Variants in POM121 observed in about 807,000 individuals in gnomAD.
POM121 encodes POM121 transmembrane nucleoporin, also known as nuclear envelope pore membrane protein POM 121.
In POM121, 32 loss-of-function variants were observed where a neutral mutation model predicts 81.3. That is an observed-to-expected ratio of 0.39 (90% CI 0.30 to 0.53). The LOEUF is 0.53. Among genes scored for constraint, POM121 ranks in the 20% least tolerant of loss-of-function variants. The pLI is 0.66. For synonymous variants in POM121, 514 were observed against 694.2 expected (o/e 0.74, Z 4.08); for missense variants, 1,138 against 1,614.6 (o/e 0.70, Z 5.06).
In POM121 at chr7:72,928,453, C is replaced by T; in HGVS notation, c.1091C>T (p.Ser364Phe). Reference sequence around the variant, plus strand: ...CTGGTGGCCAATGGAGTCCCCGCTTCTTTTGTGCCTAAGTAAGTGGGAGTC... The same window carrying T: ...CTGGTGGCCAATGGAGTCCCCGCTTTTTTTGTGCCTAAGTAAGTGGGAGTC... ...EPLVANGVPA[S>F]FVPKPGSLKR... Residue 364 changes from serine (S) to phenylalanine (F), a missense_variant, in exon 4 of 13, where the codon TCT (serine) becomes TTT (phenylalanine). Ser to Phe is a radical substitution (Grantham distance 155). This residue lies in a region of POM121 where 646 missense variants were observed against 633.5 expected (regional missense o/e 1.02). Transcript: ENST00000434423. 6.2e-7 allele frequency: 1 copy of T among 1,614,196 alleles called. No individual in the cohort carries two copies. The highest frequency in any genetic ancestry group is 1.1e-5 in the South Asian group (1 of 91,090).
chr7:72,943,663 A>G lies in POM121; in HGVS notation c.3529+141A>G, dbSNP rs1797369105. ...GAACTCAGTGAGATGCCAGGGAACG[A>G]TACATGTTTTGCTAACGTAGTAATG... On this transcript the variant is annotated intron_variant, in intron 11 of 12. Transcript: ENST00000434423. 2.1e-6 allele frequency: 3 copies of G among 1,427,614 alleles called. No homozygotes were observed. The South Asian group carries it at 4.5e-5, about 21-fold the overall frequency. The allele number at this position is 1,427,614 out of a possible 1,614,324, so 88.4% of individuals were successfully genotyped here. A position where few individuals can be genotyped will look rare whatever the true frequency, so the allele number is the denominator to read the frequency against.
At chr7:72,908,582 C>T (rs1554493799) in intron 3 of POM121, among the ~76,000 whole-genome samples, 1 of 152,124 alleles carries the variant, frequency 6.6e-6, no homozygotes, top group Non-Finnish European at 1.5e-5. Flanking sequence ...ATTTCCTCGT[C>T]CTAATATGCC....
At chr7:72,938,530 G>C (rs559449358) in intron 5 of POM121, 60 bp from the exon 6 acceptor site, 9 of 1,498,762 alleles carry the variant, frequency 6.0e-6, no homozygotes, top group Non-Finnish European at 7.4e-6. Flanking sequence ...AGACTTTGTC[G>C]TGTTGAGGGT....
chr7:72,894,188 G>A (rs868975431), intron 3 of POM121, among the ~76,000 whole-genome samples: 1 of 152,144 alleles, frequency 6.6e-6, no homozygotes, highest in Non-Finnish European at 1.5e-5. Context: ...GCTTGAACCC[G>A]GGAGGCAGCA....
intron 3 of POM121, among the ~76,000 whole-genome samples, chr7:72,904,994 T>A (rs551662487): frequency 7.2e-5 from 11 of 152,262 alleles, no homozygotes; most frequent in African/African-American, 2.6e-4. Context: ...TTCCACCAGG[T>A]CCCTCCTTGA....
chr7:72,894,895 A>T (rs1563135818), intron 3 of POM121, among the ~76,000 whole-genome samples: 1 of 152,196 alleles, frequency 6.6e-6, no homozygotes, highest in Non-Finnish European at 1.5e-5. Flanking sequence ...TGGTGTGATC[A>T]TAGCTCATGG....
chr7:72,923,693 G>T (rs1462593779), upstream of POM121, among the ~76,000 whole-genome samples: 1 of 131,904 alleles, frequency 7.6e-6, no homozygotes, highest in African/African-American at 2.8e-5. Context: ...TCCGCCTCCC[G>T]GGTTCACGCC....
rs199967588 is a variant in POM121, at chr7:72,942,228, G to T, written c.2235G>T (p.Pro745=). 4.1e-4 allele frequency: 655 copies of T among 1,609,114 alleles called. No individual in the cohort carries two copies. Among genetic ancestry groups the T allele is most frequent in the Non-Finnish European group, 5.3e-4 (625 of 1,179,778 alleles). ...AGAGTGAGAAGGAAGGCCCCACACC[G>T]CCTGGCCCTTCAGTCACAGCCACAG... ...PPKSEKEGPT[P]PGPSVTATAP... is the part of the protein sequence containing the mutation. The change falls in exon 11 of 13, where the codon CCG becomes CCT. Residue 745 remains proline, a synonymous_variant. Coordinates refer to ENST00000434423, the MANE Select transcript of POM121 (RefSeq NM_001387691.1).
At chr7:72,886,460 C>G (rs1397296017) in intron 1 of POM121, among the ~76,000 whole-genome samples, 1 of 152,156 alleles carries the variant, frequency 6.6e-6, no homozygotes, top group African/African-American at 2.4e-5. Flanking sequence ...AAGTGTGAGC[C>G]AACACACTTG....
chr7:72,880,586 A>T (rs56400922), intron 1 of POM121, among the ~76,000 whole-genome samples: 2 of 152,096 alleles, frequency 1.3e-5, no homozygotes, highest in Non-Finnish European at 2.9e-5. Context: ...AAGCAGTTTA[A>T]AGAGACAATA....
In POM121 at chr7:72,941,413, C is replaced by T. The variant is rs1260815789; in HGVS notation, c.1843+420C>T. Among the ~76,000 whole-genome samples the T allele has an allele frequency of 3.3e-5, 5 of 149,396 alleles. No individual in the cohort carries two copies. The South Asian group carries it at 6.5e-4, about 19-fold the overall frequency. On this transcript the variant is annotated intron_variant, in intron 10 of 12. Coordinates refer to ENST00000434423, the MANE Select transcript of POM121 (RefSeq NM_001387691.1). ...CCCGGCCCAGGCCTTCACGGCACTG[C>T]GCGCGCACACCTCTTTATCAGACGG... is the stretch of plus-strand genomic sequence containing the variant.
Position 72,946,216 on chromosome 7 carries a change from G to A in POM121, c.3732G>A (p.Gln1244=). 6.2e-7 allele frequency: 1 copy of A among 1,611,594 alleles called. No homozygotes were observed. Among genetic ancestry groups the A allele is most frequent in the South Asian group, 1.1e-5 (1 of 90,970 alleles). The change falls in exon 13 of 13, where the codon CAG becomes CAA. Residue 1244 remains glutamine, a synonymous_variant. Transcript: ENST00000434423. ...GARQRLQARR[Q]HTRKK ...GACAGCGACTGCAGGCCCGAAGGCAGCACACCCGCAAAAAGTAGCCTTTGT... is the reference window on the plus strand; with the variant it reads ...GACAGCGACTGCAGGCCCGAAGGCAACACACCCGCAAAAAGTAGCCTTTGT...
Position 72,919,690 on chromosome 7 carries a change from C to T in POM121, c.-152+5862C>T, listed in dbSNP as rs782094022. On this transcript the variant is annotated intron_variant, in intron 4 of 15. Coordinates refer to the POM121 transcript ENST00000395270. Reference sequence around the variant, plus strand: ...AGAGACAGGTTCTTACTATGTTGCCCGGGCTGGTCTCGAACTCTGAGGCTC... The same window carrying T: ...AGAGACAGGTTCTTACTATGTTGCCTGGGCTGGTCTCGAACTCTGAGGCTC... Among the ~76,000 whole-genome samples the T allele has an allele frequency of 9.2e-5, 14 of 152,056 alleles. No homozygotes were observed. The East Asian group carries it at 9.6e-4, about 10-fold the overall frequency.
intron 3 of POM121, among the ~76,000 whole-genome samples, chr7:72,906,869 T>C (rs1563142566): frequency 6.6e-6 from 1 of 151,444 alleles, no homozygotes; most frequent in Admixed American, 6.6e-5. Flanking sequence ...CTCAAGTGAT[T>C]CCCCCCGCCT....
intron 3 of POM121, among the ~76,000 whole-genome samples, chr7:72,893,941 T>C (rs1791583750): frequency 6.6e-6 from 1 of 152,130 alleles, no homozygotes; most frequent in Non-Finnish European, 1.5e-5. Context: ...TGTTCTGTGC[T>C]GCCCCCTCCC....
chr7:72,900,584 A>C (rs1792512907), intron 3 of POM121, among the ~76,000 whole-genome samples: 1 of 152,136 alleles, frequency 6.6e-6, no homozygotes, highest in Non-Finnish European at 1.5e-5. Context: ...GGCTCACTGC[A>C]ACCTCCACCT....
chr7:72,924,840 A>C, upstream of POM121: 1,267 of 322,858 alleles, frequency 3.9e-3, no homozygotes, highest in East Asian at 0.01. Flanking sequence ...CGGATTAGGA[A>C]TTACGTAAGC....
rs1246327718 is a variant in POM121, at chr7:72,943,228, A to G, written c.3235A>G (p.Thr1079Ala). ...TSSGFGATTQ[T>A]ASSGSSSSVF... ...CTCCGGCTTTGGAGCCACCACCCAGACCGCCAGCAGCGGGAGCAGCAGCTC... is the reference window on the plus strand; with the variant it reads ...CTCCGGCTTTGGAGCCACCACCCAGGCCGCCAGCAGCGGGAGCAGCAGCTC... The change falls in exon 11 of 13, where the codon ACC becomes GCC. Residue 1079 changes from threonine to alanine, a missense_variant. This residue lies in a region of POM121 where 336 missense variants were observed against 344.3 expected (regional missense o/e 0.98). Coordinates refer to ENST00000434423, the MANE Select transcript of POM121 (RefSeq NM_001387691.1). The G allele has an allele frequency of 9.9e-6, 16 of 1,612,526 alleles. No homozygotes were observed. Among genetic ancestry groups the G allele is most frequent in the Non-Finnish European group, 1.4e-5 (16 of 1,179,688 alleles).
intron 5 of POM121, among the ~76,000 whole-genome samples, chr7:72,930,899 A>G (rs1344639532): frequency 2.0e-5 from 3 of 152,106 alleles, no homozygotes; most frequent in Non-Finnish European, 4.4e-5. Flanking sequence ...ATCACATAAC[A>G]TCTCTTTTTC....
Sources: gnomAD v4.1 joint callset for allele counts (sites outside exome capture counted in the v4.1 genomes callset) on GRCh38, gnomAD v4.1.1 for gene constraint, gnomAD v4.1.1 regional missense constraint, MANE v1.5 for transcripts, NCBI Gene and HGNC (gene_info 2026-07-23, HGNC 2026-07-21) for gene names.